FHIT: variants seen among roughly 807,000 people sequenced by gnomAD.
FHIT encodes the protein bis(5'-adenosyl)-triphosphatase.
A neutral mutation model predicts 17.9 loss-of-function variants in FHIT; 19 were observed. The ratio of observed to expected loss-of-function variants is 1.06; its 90% confidence interval spans 0.74 to 1.56. FHIT has a LOEUF of 1.56. Among genes scored for constraint, FHIT ranks in the 40% most tolerant of loss-of-function variants. The pLI is 0.00. For synonymous variants in FHIT, 81 were observed against 69.7 expected (o/e 1.16, Z -0.81); for missense variants, 248 against 189.2 (o/e 1.31, Z -1.82).
chr3:60,789,154 G>GTATATATATATA, intron 4 of FHIT, among the ~76,000 whole-genome samples: 1 of 117,630 alleles, frequency 8.5e-6, no homozygotes, highest in African/African-American at 3.4e-5. Context: ...GTGTGTGTGT[G>GTATATATATATA]TGTATATATA....
chr3:61,043,905 C>A (rs1454474744), intron 2 of FHIT, among the ~76,000 whole-genome samples: 1 of 152,180 alleles, frequency 6.6e-6, no homozygotes, highest in Non-Finnish European at 1.5e-5. Flanking sequence ...AAAAGACCTG[C>A]AGCTGAGGAT....
chr3:59,893,244 C>G (rs1254164569), intron 8 of FHIT, among the ~76,000 whole-genome samples: 3 of 152,126 alleles, frequency 2.0e-5, no homozygotes, highest in Non-Finnish European at 4.4e-5. Context: ...AGAACCAATC[C>G]CAGCTTCAAG....
chr3:60,621,113 G>C (rs1169397087), intron 4 of FHIT, among the ~76,000 whole-genome samples: 6 of 146,060 alleles, frequency 4.1e-5, no homozygotes, highest in African/African-American at 1.5e-4. Flanking sequence ...GCTCCTCACA[G>C]TTTGGTATTT....
At chr3:60,417,972 C>A (rs559821022) in intron 5 of FHIT, among the ~76,000 whole-genome samples, 35 of 152,222 alleles carry the variant, frequency 2.3e-4, no homozygotes, top group African/African-American at 8.2e-4. Flanking sequence ...TTCAAATACA[C>A]CAGGGTCTTC....
intron 8 of FHIT, among the ~76,000 whole-genome samples, chr3:59,779,118 A>G (rs1374713215): frequency 6.6e-6 from 1 of 152,220 alleles, no homozygotes; most frequent in African/African-American, 2.4e-5. Context: ...GCCAGGGAAG[A>G]AAATCACATC....
chr3:60,665,764 C>T (rs1264494942), intron 4 of FHIT, among the ~76,000 whole-genome samples: 1 of 152,040 alleles, frequency 6.6e-6, no homozygotes, highest in African/African-American at 2.4e-5. Flanking sequence ...AGATGATTTA[C>T]CTTCAAGGTA....
rs558814124 is a variant in FHIT, at chr3:61,194,011, G to T, written c.-164+6606C>A. ...GTAGAAATGTGGTAGAACAAAAGGGGTGTGTTCTACTGGAAATAGAAAATA... is the reference window on the plus strand; with the variant it reads ...GTAGAAATGTGGTAGAACAAAAGGGTTGTGTTCTACTGGAAATAGAAAATA... On this transcript the variant is annotated intron_variant, in intron 2 of 9. Coordinates refer to ENST00000492590, the MANE Select transcript of FHIT (RefSeq NM_002012.4). Among the ~76,000 whole-genome samples the T allele has an allele frequency of 2.1e-5, 3 of 143,424 alleles. No homozygotes were observed. The South Asian group carries it at 7.1e-4, about 34-fold the overall frequency. The allele number at this position is 143,424 out of a possible 152,430, so 94.1% of individuals were successfully genotyped here. A position where few individuals can be genotyped will look rare whatever the true frequency, so the allele number is the denominator to read the frequency against.
intron 5 of FHIT, among the ~76,000 whole-genome samples, chr3:60,204,663 G>C (rs569538331): frequency 6.6e-6 from 1 of 152,040 alleles, no homozygotes; most frequent in Admixed American, 6.6e-5. Flanking sequence ...TTTAATAGAA[G>C]TCAGAAAATG....
Position 61,087,948 on chromosome 3 carries a change from C to T in FHIT, c.-163-45849G>A, listed in dbSNP as rs116798662. 3.4e-3 allele frequency among the ~76,000 whole-genome samples: 516 copies of T among 152,202 alleles called. 3 individuals are homozygous for T. Among genetic ancestry groups the T allele is most frequent in the African/African-American group, 0.012 (493 of 41,526 alleles). On this transcript the variant is annotated intron_variant, in intron 2 of 9. Coordinates refer to ENST00000492590, the MANE Select transcript of FHIT (RefSeq NM_002012.4). Reference sequence around the variant, plus strand: ...ACCCAAGCTTTGTGAAGAAGGAAATCAAGGTAGCTTCAGAGAACTGAGAGG... The same window carrying T: ...ACCCAAGCTTTGTGAAGAAGGAAATTAAGGTAGCTTCAGAGAACTGAGAGG...
chr3:59,850,801 T>G (rs1701902592), intron 8 of FHIT, among the ~76,000 whole-genome samples: 1 of 152,174 alleles, frequency 6.6e-6, no homozygotes, highest in African/African-American at 2.4e-5. Context: ...TCTTTCTGCA[T>G]TTGTAAATGT....
At chr3:61,032,126 T>A (rs1408201297) in intron 3 of FHIT, among the ~76,000 whole-genome samples, 2 of 152,244 alleles carry the variant, frequency 1.3e-5, no homozygotes, top group African/African-American at 4.8e-5. Context: ...AGTTCATTCG[T>A]GTATTCCTTC....
intron 2 of FHIT, among the ~76,000 whole-genome samples, chr3:61,062,948 T>C (rs1235228432): frequency 6.6e-6 from 1 of 152,164 alleles, no homozygotes; most frequent in East Asian, 1.9e-4. Flanking sequence ...ACTGATATCA[T>C]TAACACAGAC....
intron 5 of FHIT, among the ~76,000 whole-genome samples, chr3:60,120,266 G>T (rs11715819): frequency 0.035 from 5,400 of 152,250 alleles, 121 homozygotes; most frequent in South Asian, 0.1. Context: ...AATCATTTCA[G>T]TTTCCTCCAC....
chr3:61,158,743 A>G (rs570369234), intron 2 of FHIT, among the ~76,000 whole-genome samples: 1 of 152,374 alleles, frequency 6.6e-6, no homozygotes, highest in Non-Finnish European at 1.5e-5. Flanking sequence ...GATCTACAAG[A>G]ACCCAAAGAA....
intron 5 of FHIT, among the ~76,000 whole-genome samples, chr3:60,418,263 T>A (rs930810801): frequency 6.6e-6 from 1 of 151,166 alleles, no homozygotes; most frequent in Non-Finnish European, 1.5e-5. Flanking sequence ...TGTCTACTCA[T>A]TTTTAGTTTT....
rs191749072 is a variant in FHIT at position 60,145,531 on chromosome 3, A to C, written c.104-131379T>G. Among the ~76,000 whole-genome samples the C allele has an allele frequency of 1.3e-3, 198 of 152,336 alleles. 2 individuals are homozygous for C. The highest frequency in any genetic ancestry group is 4.6e-3 in the African/African-American group (191 of 41,572). ...CCTGTGGGACTGTTTAAAGGCACTA[A>C]ATCTCCACAGAATCATGCAGTGCTA... On this transcript the variant is annotated intron_variant, in intron 5 of 9. Coordinates refer to ENST00000492590, the MANE Select transcript of FHIT (RefSeq NM_002012.4).
chr3:59,835,080 G>A (rs1160848425), intron 8 of FHIT, among the ~76,000 whole-genome samples: 1 of 152,074 alleles, frequency 6.6e-6, no homozygotes, highest in African/African-American at 2.4e-5. Context: ...CCAATCTTCT[G>A]TCTTTGCAAA....
chr3:59,930,615 T>C (rs1332362186), intron 7 of FHIT, among the ~76,000 whole-genome samples: 1 of 152,204 alleles, frequency 6.6e-6, no homozygotes, highest in African/African-American at 2.4e-5. Context: ...AGCTCTGTTT[T>C]ATCTGTTTCT....
In FHIT at chr3:60,361,140, G is replaced by A. The variant is rs373038921; in HGVS notation, c.103+175720C>T. On this transcript the variant is annotated intron_variant, in intron 5 of 9. Transcript: ENST00000492590. Reference sequence around the variant, plus strand: ...TTACTGGATATCCACCAAATACCAAGTACTGGGCTATGTATTGGAGGTGCA... The same window carrying A: ...TTACTGGATATCCACCAAATACCAAATACTGGGCTATGTATTGGAGGTGCA... Among the ~76,000 whole-genome samples the A allele has an allele frequency of 4.5e-4, 68 of 152,292 alleles. 1 individual carries two copies. Among genetic ancestry groups the A allele is most frequent in the African/African-American group, 1.6e-3 (65 of 41,564 alleles).
Sources: allele counts gnomAD v4.1 joint callset (sites outside exome capture counted in the v4.1 genomes callset), GRCh38; gene constraint gnomAD v4.1.1; transcripts MANE v1.5; gene names NCBI Gene and HGNC (gene_info 2026-07-23, HGNC 2026-07-21).